The following COBL variants were observed in gnomAD, a reference collection of about 807,000 sequenced individuals.
The protein encoded by COBL is cordon-bleu WH2 repeat protein, also known as protein cordon-bleu.
A neutral mutation model predicts 98.8 loss-of-function variants in COBL; 51 were observed. That is an observed-to-expected ratio of 0.52 (90% CI 0.41 to 0.65). The LOEUF (loss-of-function observed/expected upper bound fraction) is 0.65, where lower values mean the gene tolerates loss of function less well. Among genes scored for constraint, COBL ranks in the 30% least tolerant of loss-of-function variants. The pLI is 0.00. For synonymous variants in COBL, 634 were observed against 651.7 expected, an observed-to-expected ratio of 0.97 and a Z score of 0.41; for missense variants, 1,617 against 1,617.5, an observed-to-expected ratio of 1.00 and a Z score of 0.01.
intron 1 of COBL, among the ~76,000 whole-genome samples, chr7:51,228,528 T>C (rs899974328): frequency 6.6e-6 from 1 of 151,960 alleles, no homozygotes; most frequent in African/African-American, 2.4e-5. Flanking sequence ...TCCTACACAA[T>C]AGAATTTCAC....
chr7:51,076,711 G>C (rs1262265557), intron 7 of COBL, among the ~76,000 whole-genome samples: 3 of 152,016 alleles, frequency 2.0e-5, no homozygotes, highest in African/African-American at 4.8e-5. Flanking sequence ...TCCCTTGTTG[G>C]GGGGGGTTGC....
intron 6 of COBL, among the ~76,000 whole-genome samples, chr7:51,105,561 C>G (rs1330798670): frequency 6.6e-6 from 1 of 152,146 alleles, no homozygotes; most frequent in Non-Finnish European, 1.5e-5. Flanking sequence ...CCAGCCTGGG[C>G]AACATAGCAA....
intron 1 of COBL, among the ~76,000 whole-genome samples, chr7:51,307,931 ATGT>A (rs1802643611): frequency 6.6e-6 from 1 of 152,224 alleles, no homozygotes; most frequent in African/African-American, 2.4e-5. Flanking sequence ...CCTACGTGTG[ATGT>A]TGTCAGAGCG....
In COBL at chr7:51,243,361, CA is replaced by C. The variant is rs146792175; in HGVS notation, c.42-23418del. On this transcript the variant is annotated intron_variant, in intron 1 of 12. Transcript: ENST00000265136. ...TGTACCTCCGGTTCCAGTGGTGACA[CA>C]GGGGTGACGGTGATGTCACTGCCCT... 3.9e-3 allele frequency among the ~76,000 whole-genome samples: 599 copies of C among 152,274 alleles called. 3 individuals are homozygous for C. The highest frequency in any genetic ancestry group is 7.0e-3 in the Non-Finnish European group (473 of 68,018).
chr7:51,092,623 C>A (rs1237916893), intron 6 of COBL, among the ~76,000 whole-genome samples: 1 of 152,114 alleles, frequency 6.6e-6, no homozygotes, highest in East Asian at 1.9e-4. Context: ...GCTTTCTGTA[C>A]TGTTCCATTG....
At chr7:51,238,216 T>C (rs1446936848) in intron 1 of COBL, among the ~76,000 whole-genome samples, 1 of 152,194 alleles carries the variant, frequency 6.6e-6, no homozygotes, top group Non-Finnish European at 1.5e-5. Flanking sequence ...ACTACCAGTT[T>C]TGTATCCTGA....
At chr7:51,034,105 T>C (rs1588278794) in intron 8 of COBL, 1 of 152,964 alleles carries the variant, frequency 6.5e-6, no homozygotes, top group African/African-American at 2.4e-5. Flanking sequence ...CTCCCACCAC[T>C]GGCCTCACTT....
intron 1 of COBL, among the ~76,000 whole-genome samples, chr7:51,309,618 A>C (rs1802825227): frequency 6.6e-6 from 1 of 152,168 alleles, no homozygotes; most frequent in South Asian, 2.1e-4. Context: ...TTTAAGAAAC[A>C]GTTTTTTTGA....
chr7:51,034,535 C>G (rs1562823653), intron 8 of COBL: 1 of 152,246 alleles, frequency 6.6e-6, no homozygotes, highest in South Asian at 2.1e-4. Context: ...GAGGGAGAGA[C>G]AGCAGTATTT....
At chr7:51,044,337 G>A (rs1789490816) in intron 7 of COBL, among the ~76,000 whole-genome samples, 1 of 152,244 alleles carries the variant, frequency 6.6e-6, no homozygotes, top group Admixed American at 6.5e-5. Context: ...GTTCTGTCAA[G>A]CCTTAATACT....
At chr7:51,296,969 C>G (rs1584434647) in intron 1 of COBL, among the ~76,000 whole-genome samples, 1 of 152,266 alleles carries the variant, frequency 6.6e-6, no homozygotes, top group East Asian at 1.9e-4. Flanking sequence ...GGGTGTAATA[C>G]TGAATGATGA....
chr7:51,140,157 C>G (rs138378102), intron 5 of COBL, among the ~76,000 whole-genome samples: 2 of 152,150 alleles, frequency 1.3e-5, no homozygotes, highest in African/African-American at 4.8e-5. Context: ...CAATGAATAA[C>G]AGAAAAGAAA....
intron 7 of COBL, among the ~76,000 whole-genome samples, chr7:51,055,358 C>T (rs866960805): frequency 2.6e-5 from 4 of 152,314 alleles, no homozygotes; most frequent in Middle Eastern, 3.4e-3. Context: ...TCCTCATCCA[C>T]AAGGCCGAAT....
At chr7:51,217,821 T>G (rs926775398) in intron 2 of COBL, among the ~76,000 whole-genome samples, 4 of 152,234 alleles carry the variant, frequency 2.6e-5, no homozygotes, top group African/African-American at 9.6e-5. Context: ...AAGTGTACTT[T>G]GGCCTATGAC....
At chr7:51,058,865 AC>A (rs1791037069) in intron 7 of COBL, among the ~76,000 whole-genome samples, 1 of 152,056 alleles carries the variant, frequency 6.6e-6, no homozygotes, top group South Asian at 2.1e-4. Flanking sequence ...TCCTCCAACG[AC>A]TTTCGTTCAG....
intron 5 of COBL, among the ~76,000 whole-genome samples, chr7:51,169,314 G>A (rs1787629790): frequency 6.6e-6 from 1 of 152,072 alleles, no homozygotes; most frequent in African/African-American, 2.4e-5. Context: ...TGAATCTTAC[G>A]TGTACTGATT....
chr7:51,037,966 C>T (rs1231976633), intron 8 of COBL, among the ~76,000 whole-genome samples: 1 of 152,182 alleles, frequency 6.6e-6, no homozygotes, highest in Non-Finnish European at 1.5e-5. Flanking sequence ...ATTCTCCTGC[C>T]TCAGCCTCCC....
chr7:51,179,514 G>T (rs1788729436), intron 5 of COBL, among the ~76,000 whole-genome samples: 2 of 151,952 alleles, frequency 1.3e-5, no homozygotes, highest in Admixed American at 1.3e-4. Context: ...CCAAGAGATG[G>T]TGCTTAACTT....
chr7:51,083,057 C>T (rs1319595814), intron 7 of COBL: 6 of 1,504,350 alleles, frequency 4.0e-6, no homozygotes, highest in East Asian at 2.6e-5. Context: ...GAGGAACATA[C>T]GTTTGGGTAT....
Sources: gnomAD v4.1 joint callset for allele counts (sites outside exome capture counted in the v4.1 genomes callset) on GRCh38, gnomAD v4.1.1 for gene constraint, MANE v1.5 for transcripts, NCBI Gene and HGNC (gene_info 2026-07-23, HGNC 2026-07-21) for gene names.